USP32: variants seen among roughly 807,000 people sequenced by gnomAD.
USP32 encodes ubiquitin carboxyl-terminal hydrolase 32.
A neutral mutation model predicts 204.8 loss-of-function variants in USP32; 59 were observed. The ratio of observed to expected loss-of-function variants is 0.29; its 90% CI spans 0.23 to 0.36. The LOEUF (loss-of-function observed/expected upper bound fraction) is 0.36. Among genes scored for constraint, USP32 ranks in the 10% least tolerant of loss-of-function variants. The probability of loss-of-function intolerance (pLI) is 1.00; values close to 1 mark genes in which losing one functional copy is unlikely to be tolerated. For synonymous variants in USP32, 517 were observed against 678.4 expected, an observed-to-expected ratio of 0.76 and a Z score of 3.70; for missense variants, 1,160 against 1,946.4, an observed-to-expected ratio of 0.60 and a Z score of 7.60.
rs998793493 is a variant in USP32 at position 60,178,792 on chromosome 17, T to G, written c.*463A>C. Among the ~76,000 whole-genome samples, 30 of 152,272 alleles carry G rather than the reference T, an allele frequency of 2.0e-4. No homozygotes were observed. Among genetic ancestry groups the G allele is most frequent in the African/African-American group, 7.0e-4 (29 of 41,480 alleles). ...CTTCGTGATCTTGCTTTCTCCATCTTGTCAATATAATGGAATAAAACTTCA... is the reference window on the plus strand; with the variant it reads ...CTTCGTGATCTTGCTTTCTCCATCTGGTCAATATAATGGAATAAAACTTCA... On this transcript the variant is annotated 3_prime_UTR_variant, in exon 34 of 34. Transcript: ENST00000300896.
chr17:60,239,863 A>T (rs2085830334), intron 11 of USP32, among the ~76,000 whole-genome samples: 1 of 152,190 alleles, frequency 6.6e-6, no homozygotes, highest in South Asian at 2.1e-4. Flanking sequence ...CCTTCCAAGT[A>T]GTTGGGATTA....
chr17:60,213,101 T>C (rs1041017355), intron 18 of USP32, among the ~76,000 whole-genome samples: 17 of 152,202 alleles, frequency 1.1e-4, no homozygotes, highest in Admixed American at 7.9e-4. Flanking sequence ...CAAAACTTGA[T>C]GGGAAAAGAT....
At chr17:60,268,025 G>A (rs2086638523) in intron 7 of USP32, among the ~76,000 whole-genome samples, 1 of 151,702 alleles carries the variant, frequency 6.6e-6, no homozygotes, top group Non-Finnish European at 1.5e-5. Flanking sequence ...TGGCCAGGCT[G>A]ATCTTGAACT....
At chr17:60,290,429 G>T (rs753654150) in intron 4 of USP32, among the ~76,000 whole-genome samples, 17 of 152,130 alleles carry the variant, frequency 1.1e-4, no homozygotes, top group East Asian at 1.9e-4. Context: ...GTTTAGAGAT[G>T]AGAGTTCCTA....
intron 12 of USP32, among the ~76,000 whole-genome samples, chr17:60,228,585 G>A (rs972761728): frequency 2.0e-5 from 3 of 150,284 alleles, no homozygotes; most frequent in East Asian, 2.0e-4. Flanking sequence ...GGGAGCCAAG[G>A]TGGCTGGATC....
rs2084845667 is a variant in USP32, at chr17:60,207,002, A to T, written c.3037+19T>A. ...ATTTAAAGGAGCAATCATGAGAAGG[A>T]GTTCTAGTTCTATCTTACCTGTCTG... On this transcript the variant is annotated intron_variant, in intron 25 of 33. Transcript: ENST00000300896. The T allele has an allele frequency of 6.2e-7, 1 of 1,601,002 alleles. No individual in the cohort carries two copies. Among genetic ancestry groups the T allele is most frequent in the East Asian group, 2.2e-5 (1 of 44,674 alleles).
chr17:60,368,682 G>T (rs960174191), intron 1 of USP32, among the ~76,000 whole-genome samples: 1 of 152,142 alleles, frequency 6.6e-6, no homozygotes, highest in Admixed American at 6.5e-5. Context: ...AAGTCCAGGG[G>T]TTTATGTTTC....
chr17:60,243,325 T>C (rs2085927263), intron 11 of USP32, among the ~76,000 whole-genome samples: 1 of 152,236 alleles, frequency 6.6e-6, no homozygotes, highest in Non-Finnish European at 1.5e-5. Context: ...GTTTTATTTT[T>C]CTTTACAATC....
chr17:60,391,632 G>C (rs1205794237), intron 1 of USP32, among the ~76,000 whole-genome samples: 1 of 152,178 alleles, frequency 6.6e-6, no homozygotes, highest in Non-Finnish European at 1.5e-5. Flanking sequence ...CCACCAGCGA[G>C]CACGGGCACT....
At chr17:60,246,399 G>GTATATA (rs1036551648) in intron 11 of USP32, among the ~76,000 whole-genome samples, 2 of 147,680 alleles carry the variant, frequency 1.4e-5, no homozygotes, top group African/African-American at 5.1e-5. Flanking sequence ...ATGTGTGTGT[G>GTATATA]TATATATATA....
Position 60,418,116 on chromosome 17 carries a change from G to A in USP32, c.106+4130C>T, listed in dbSNP as rs761927937. Among the ~76,000 whole-genome samples, 45 of 152,022 alleles carry A rather than the reference G, an allele frequency of 3.0e-4. 1 individual carries two copies. Among genetic ancestry groups the A allele is most frequent in the Non-Finnish European group, 3.8e-4 (26 of 68,026 alleles). ...TGGGATTATAGGCATGTGCTACCAC[G>A]CCCAGCTAATTTTGTATTTTTAGTA... On this transcript the variant is annotated intron_variant, in intron 1 of 3. Coordinates refer to the USP32 transcript ENST00000588898.
intron 1 of USP32, chr17:60,421,868 G>A: frequency 1.0e-6 from 1 of 985,474 alleles, no homozygotes; most frequent in Non-Finnish European, 1.2e-6. Flanking sequence ...GGCCGGCGAC[G>A]GGACTTGCCC....
In USP32 at chr17:60,345,462, C is replaced by T; in HGVS notation, c.186+19G>A. 1.2e-6 allele frequency: 2 copies of T among 1,612,298 alleles called. No individual in the cohort carries two copies. The highest frequency in any genetic ancestry group is 1.7e-6 in the Non-Finnish European group (2 of 1,179,318). ...GGTGGATAACTACCTCAAAGGAAAA[C>T]TTAGAACAAAAAGATTACCTCAGCA... is the stretch of plus-strand genomic sequence containing the variant. On this transcript the variant is annotated intron_variant, in intron 2 of 33. Coordinates refer to ENST00000300896, the MANE Select transcript of USP32 (RefSeq NM_032582.4).
intron 1 of USP32, among the ~76,000 whole-genome samples, chr17:60,355,157 T>C (rs765893647): frequency 6.6e-6 from 1 of 152,190 alleles, no homozygotes. Context: ...CTCACAGATA[T>C]TATACTAAGT....
At chr17:60,340,483 G>T (rs2088630893) in intron 2 of USP32, among the ~76,000 whole-genome samples, 1 of 152,196 alleles carries the variant, frequency 6.6e-6, no homozygotes, top group Admixed American at 6.5e-5. Flanking sequence ...CAGAGACTAG[G>T]ATTACAACCC....
intron 5 of USP32, among the ~76,000 whole-genome samples, chr17:60,275,360 GGCAGAAGAATC>G (rs752817553): frequency 6.6e-6 from 1 of 152,114 alleles, no homozygotes; most frequent in Non-Finnish European, 1.5e-5. Flanking sequence ...AGGAGGCTGA[GGCAGAAGAATC>G]GCTTGAACCT....
At chr17:60,220,454 A>G (rs1195650621) in intron 15 of USP32, among the ~76,000 whole-genome samples, 3 of 152,308 alleles carry the variant, frequency 2.0e-5, no homozygotes, top group Non-Finnish European at 4.4e-5. Context: ...TGTTTTGTCT[A>G]TGACTTAAAC....
chr17:60,235,686 AC>A (rs1403908729), intron 12 of USP32, among the ~76,000 whole-genome samples: 1 of 152,206 alleles, frequency 6.6e-6, no homozygotes, highest in Non-Finnish European at 1.5e-5. Flanking sequence ...AAAATAAAGG[AC>A]AATGTAAATG....
In USP32 at chr17:60,294,383, A is replaced by AGTGTGTGT. The variant is rs60195146; in HGVS notation, c.411+292_411+299dup. 2.5e-3 allele frequency among the ~76,000 whole-genome samples: 363 copies of AGTGTGTGT among 146,484 alleles called. 2 individuals are homozygous for AGTGTGTGT. Among genetic ancestry groups the AGTGTGTGT allele is most frequent in the African/African-American group, 8.0e-3 (319 of 39,692 alleles). ...GAGCACTGTTTCAGGTTCCTGCAGGAGTGTGTGTGTGTGTGTGTGTGTGTG... is the reference window on the plus strand; with the variant it reads ...GAGCACTGTTTCAGGTTCCTGCAGGAGTGTGTGTGTGTGTGTGTGTGTGTGTGTGTGTG... On this transcript the variant is annotated intron_variant, in intron 4 of 33. Coordinates refer to ENST00000300896, the MANE Select transcript of USP32 (RefSeq NM_032582.4).
Sources: allele counts gnomAD v4.1 joint callset (sites outside exome capture counted in the v4.1 genomes callset), GRCh38; gene constraint gnomAD v4.1.1; transcripts MANE v1.5; gene names NCBI Gene and HGNC (gene_info 2026-07-23, HGNC 2026-07-21).